The following ANK1 variants were observed in gnomAD, a reference collection of about 807,000 sequenced individuals.
ANK1 encodes the protein ankyrin-1.
A neutral mutation model predicts 210.4 loss-of-function variants in ANK1; 51 were observed. The observed-to-expected ratio is 0.24, with a 90% confidence interval of 0.19 to 0.31. The LOEUF (loss-of-function observed/expected upper bound fraction) is 0.31. ANK1 is among the 10% of genes least tolerant of loss of function. The probability of loss-of-function intolerance (pLI) is 1.00; values close to 1 mark genes in which losing one functional copy is unlikely to be tolerated. For synonymous variants in ANK1, 967 were observed against 1,025.9 expected (o/e 0.94, Z 1.10); for missense variants, 2,051 against 2,504.4 (o/e 0.82, Z 3.86).
At chr8:41,803,709 T>C (rs558246685) in intron 1 of ANK1, among the ~76,000 whole-genome samples, 48 of 152,164 alleles carry the variant, frequency 3.2e-4, no homozygotes, top group African/African-American at 1.2e-3. Flanking sequence ...TGAATATCTT[T>C]TTATTAGTTA....
At chr8:41,831,369 C>T (rs1463966674) in intron 1 of ANK1, among the ~76,000 whole-genome samples, 1 of 152,114 alleles carries the variant, frequency 6.6e-6, no homozygotes, top group Non-Finnish European at 1.5e-5. Context: ...CCATGTTTGC[C>T]GGGCATGGTG....
intron 1 of ANK1, among the ~76,000 whole-genome samples, chr8:41,773,815 C>T (rs1160721298): frequency 3.3e-5 from 5 of 152,140 alleles, no homozygotes. Context: ...GCCACGGTGC[C>T]CAGCTCCCCA....
intron 1 of ANK1, among the ~76,000 whole-genome samples, chr8:41,888,110 GC>G (rs2150835729): frequency 6.6e-6 from 1 of 152,340 alleles, no homozygotes; most frequent in East Asian, 1.9e-4. Flanking sequence ...CCCCGCAGCT[GC>G]CCCTGCTATC....
chr8:41,752,280 T>C (rs1837895435), intron 2 of ANK1, among the ~76,000 whole-genome samples: 1 of 152,190 alleles, frequency 6.6e-6, no homozygotes, highest in Admixed American at 6.5e-5. Context: ...TCTGTCTTGT[T>C]CAGTGCCTAG....
chr8:41,717,044 T>C lies in ANK1; in HGVS notation c.1313A>G (p.Glu438Gly). 6.2e-7 allele frequency: 1 copy of C among 1,614,236 alleles called. No homozygotes were observed. Among genetic ancestry groups the C allele is most frequent in the Non-Finnish European group, 8.5e-7 (1 of 1,180,026 alleles). ...ASPNVSNVKVETPLHMAARAG... is the reference protein window; with the variant it reads ...ASPNVSNVKVGTPLHMAARAG... ...TCTGGCTGCCATGTGTAGCGGGGTC[T>C]CCACTTTCTATAAAATAACAAAATT... The change falls in exon 13 of 43, where the codon GAG becomes GGG. Residue 438 changes from glutamate (E) to glycine (G), a missense_variant. Transcript: ENST00000289734.
chr8:41,664,501 G>A (rs1470427933), intron 39 of ANK1, among the ~76,000 whole-genome samples: 1 of 106,966 alleles, frequency 9.3e-6, no homozygotes, highest in Admixed American at 1.1e-4. Flanking sequence ...AAAGAAAAAA[G>A]AGAAGAGAAG....
rs775510911 is a variant in ANK1, at chr8:41,724,529, G to A, written c.638C>T (p.Ala213Val). 14 of 1,598,666 alleles carry A rather than the reference G, an allele frequency of 8.8e-6. No individual in the cohort carries two copies. The highest frequency in any genetic ancestry group is 3.4e-4 in the Middle Eastern group (2 of 5,960). Residue 213 changes from alanine (A) to valine (V), a missense_variant, in exon 7 of 43, where the codon GCG becomes GTG. Coordinates refer to ENST00000289734, the MANE Select transcript of ANK1 (RefSeq NM_000037.4). ...SKTGFTPLHIAAHYENLNVAQ... is the reference protein window; with the variant it reads ...SKTGFTPLHIVAHYENLNVAQ... The stretch of plus-strand genomic sequence containing the variant: ...CACGTTGAGGTTCTCGTAGTGAGCC[G>A]CAATGTGCAGGGGCGTGAATCCCGT...
chr8:41,811,756 G>A (rs937434143), intron 1 of ANK1, among the ~76,000 whole-genome samples: 2 of 152,226 alleles, frequency 1.3e-5, no homozygotes, highest in African/African-American at 2.4e-5. Flanking sequence ...AGGTTATGCC[G>A]GTGCAATGTT....
rs369736811 is a variant in ANK1, at chr8:41,672,383, C to T, written c.5067G>A (p.Val1689=). ...GQARITHSPT[V]SQVTERSQDR... Reference sequence around the variant, plus strand: ...CCTGACTCCTCTCCGTCACCTGACTCACGGTGGGGGAATGTGTGATTCGGG... The same window carrying T: ...CCTGACTCCTCTCCGTCACCTGACTTACGGTGGGGGAATGTGTGATTCGGG... Residue 1689 remains valine (V), a synonymous_variant, in exon 38 of 43, where the codon GTG becomes GTA. Transcript: ENST00000289734. 6.2e-7 allele frequency: 1 copy of T among 1,614,244 alleles called. No individual in the cohort carries two copies. Among genetic ancestry groups the T allele is most frequent in the African/African-American group, 1.3e-5 (1 of 75,068 alleles).
At chr8:41,655,896 T>C in intron 42 of ANK1, 143 bp from the exon 43 acceptor site, 1 of 939,902 alleles carries the variant, frequency 1.1e-6, no homozygotes, top group Non-Finnish European at 1.7e-6. Flanking sequence ...GGCGATGTGC[T>C]GAGGGTGCTG....
Position 41,708,887 on chromosome 8 carries a change from G to T in ANK1, c.1889C>A (p.Ala630Asp). 6.2e-7 allele frequency: 1 copy of T among 1,614,116 alleles called. No homozygotes were observed. The highest frequency in any genetic ancestry group is 8.5e-7 in the Non-Finnish European group (1 of 1,180,038). Residue 630 changes from alanine to aspartate, a missense_variant, in exon 17 of 43, where the codon GCC becomes GAC. By Grantham distance (126) the Ala-to-Asp change is moderately radical (BLOSUM62 -2). Around this residue, in one of 6 missense-constraint regions of ANK1, gnomAD observed 1,413 missense variants for 1,707.4 expected, o/e 0.83. Transcript: ENST00000289734. ...GGGCGTCACACCTTGCACCGACTCG[G>T]CGTTTGCTGAGCCCCCATACTGCAG... is the stretch of plus-strand genomic sequence containing the variant. ...SLLQYGGSANAESVQGVTPLH... is the reference protein window; with the variant it reads ...SLLQYGGSANDESVQGVTPLH...
intron 1 of ANK1, among the ~76,000 whole-genome samples, chr8:41,806,634 G>A (rs115794386): frequency 1.4e-3 from 216 of 152,304 alleles, no homozygotes; most frequent in African/African-American, 4.9e-3. Flanking sequence ...GAGCCTGGGA[G>A]TTAGAGGCTG....
intron 1 of ANK1, among the ~76,000 whole-genome samples, chr8:41,887,318 A>G (rs1818641470): frequency 7.6e-6 from 1 of 131,624 alleles, no homozygotes; most frequent in South Asian, 2.3e-4. Flanking sequence ...GTACCATCAT[A>G]GCTCACTGCA....
chr8:41,717,965 T>C (rs1425269953), intron 11 of ANK1, 141 bp downstream of exon 11: 3 of 867,464 alleles, frequency 3.5e-6, no homozygotes, highest in South Asian at 1.4e-5. Context: ...TAGTCACCCC[T>C]GATTCATTCC....
chr8:41,803,057 G>GGA (rs1554630943), intron 1 of ANK1, among the ~76,000 whole-genome samples: 363 of 35,962 alleles, frequency 0.01, 3 homozygotes, highest in African/African-American at 0.034. Context: ...GAAAGAAAGA[G>GGA]AGAAAGGAAG....
At chr8:41,697,854 C>A in intron 24 of ANK1, 189 bp downstream of exon 24, 1 of 677,566 alleles carries the variant, frequency 1.5e-6, no homozygotes, top group East Asian at 2.8e-5. Flanking sequence ...CTCTTCCAGA[C>A]GCCGCCCACC....
At chr8:41,889,712 C>A (rs947114726) in intron 1 of ANK1, among the ~76,000 whole-genome samples, 5 of 152,226 alleles carry the variant, frequency 3.3e-5, no homozygotes, top group Admixed American at 3.3e-4. Context: ...ATTCCATTAT[C>A]TGTGACAGTT....
intron 1 of ANK1, among the ~76,000 whole-genome samples, chr8:41,885,820 G>A (rs1290680413): frequency 6.6e-6 from 1 of 152,222 alleles, no homozygotes; most frequent in Non-Finnish European, 1.5e-5. Context: ...CTCTATGGAT[G>A]TTTCAGACTT....
rs58196949 is a variant in ANK1, at chr8:41,703,450, A to AT, written c.2295+590dup. 2.4e-3 allele frequency among the ~76,000 whole-genome samples: 144 copies of AT among 58,786 alleles called. 1 individual carries two copies. Among genetic ancestry groups the AT allele is most frequent in the African/African-American group, 4.1e-3 (45 of 11,076 alleles). 38.6% of individuals were successfully genotyped at this position (58,786 alleles called of 152,430 possible). A position where few individuals can be genotyped will look rare whatever the true frequency, so the allele number is the denominator to read the frequency against. ...TATATATATATATATATATATATAT[A>AT]TTTTTTTTTTTTTTTTAAGACACAA... On this transcript the variant is annotated intron_variant, in intron 20 of 42. Coordinates refer to ENST00000289734, the MANE Select transcript of ANK1 (RefSeq NM_000037.4).
Sources: gnomAD v4.1 joint callset for allele counts (sites outside exome capture counted in the v4.1 genomes callset) on GRCh38, gnomAD v4.1.1 for gene constraint, gnomAD v4.1.1 regional missense constraint, MANE v1.5 for transcripts, NCBI Gene and HGNC (gene_info 2026-07-23, HGNC 2026-07-21) for gene names.